SEMA5A: variants seen among roughly 807,000 people sequenced by gnomAD.
SEMA5A encodes the protein semaphorin-5A.
A neutral mutation model predicts 135.5 loss-of-function variants in SEMA5A; 55 were observed. The observed-to-expected ratio is 0.41, with a 90% confidence interval of 0.33 to 0.51. The LOEUF is 0.51. SEMA5A is among the 20% of genes least tolerant of loss of function. The pLI is 0.37. For synonymous variants in SEMA5A, 580 were observed against 546.5 expected (o/e 1.06, Z -0.85); for missense variants, 1,290 against 1,419.9 (o/e 0.91, Z 1.47).
At chr5:9,167,095 A>T (rs923781447) in intron 11 of SEMA5A, among the ~76,000 whole-genome samples, 1 of 152,172 alleles carries the variant, frequency 6.6e-6, no homozygotes, top group African/African-American at 2.4e-5. Context: ...TTAATTCTAA[A>T]GGAAAAAAAG....
At chr5:9,511,702 C>CA (rs1046371075) in intron 1 of SEMA5A, among the ~76,000 whole-genome samples, 213 of 150,880 alleles carry the variant, frequency 1.4e-3, no homozygotes, top group African/African-American at 4.5e-3. Context: ...GATCTCACCA[C>CA]AAAAAAAAGA....
At chr5:9,237,102 T>C (rs370545200) in intron 6 of SEMA5A, among the ~76,000 whole-genome samples, 4 of 152,132 alleles carry the variant, frequency 2.6e-5, no homozygotes, top group South Asian at 2.1e-4. Context: ...TAATTCACCA[T>C]TGGAAGTCTG....
At chr5:9,214,171 A>T (rs1746489967) in intron 8 of SEMA5A, among the ~76,000 whole-genome samples, 1 of 152,236 alleles carries the variant, frequency 6.6e-6, no homozygotes, top group Admixed American at 6.5e-5. Flanking sequence ...CCGAAACTGC[A>T]CATTGCTCCT....
chr5:9,270,066 G>GC (rs1749891692), intron 5 of SEMA5A, among the ~76,000 whole-genome samples: 1 of 152,086 alleles, frequency 6.6e-6, no homozygotes, highest in African/African-American at 2.4e-5. Context: ...GGTGGTTTAC[G>GC]CAAGCATCTG....
intron 7 of SEMA5A, 133 bp downstream of exon 7, chr5:9,226,736 A>G (rs1747330986): frequency 7.4e-6 from 4 of 541,346 alleles, no homozygotes; most frequent in Non-Finnish European, 9.9e-6. Context: ...TATTTATTCA[A>G]TTTGACAAAA....
intron 16 of SEMA5A, among the ~76,000 whole-genome samples, chr5:9,089,276 A>G (rs1317863430): frequency 1.3e-5 from 2 of 152,242 alleles, no homozygotes; most frequent in Non-Finnish European, 2.9e-5. Context: ...CATCCCTTGG[A>G]TAATGTTTCA....
intron 4 of SEMA5A, among the ~76,000 whole-genome samples, chr5:9,326,322 G>A (rs531895656): frequency 6.6e-6 from 1 of 152,214 alleles, no homozygotes; most frequent in African/African-American, 2.4e-5. Context: ...CAGCATCTCG[G>A]CTCACTGCAA....
Position 9,154,628 on chromosome 5 carries a change from C to G in SEMA5A, c.1341G>C (p.Glu447Asp). 6.2e-7 allele frequency: 1 copy of G among 1,614,156 alleles called. No homozygotes were observed. Among genetic ancestry groups the G allele is most frequent in the Non-Finnish European group, 8.5e-7 (1 of 1,180,034 alleles). Residue 447 changes from glutamate to aspartate, a missense_variant, in exon 12 of 23, where the codon GAG becomes GAC. This residue lies in a region of SEMA5A where 1,029 missense variants were observed against 1,086.6 expected (regional missense o/e 0.95). Transcript: ENST00000382496. ...NQTSSSCLLE[E>D]IELFPERRRE... is the part of the protein sequence containing the mutation. Reference sequence around the variant, plus strand: ...TCCGCCTCTCAGGGAAGAGCTCAATCTCTTCCAGCAAACAGCTGCTTGAGG... The same window carrying G: ...TCCGCCTCTCAGGGAAGAGCTCAATGTCTTCCAGCAAACAGCTGCTTGAGG...
At chr5:9,510,392 T>C (rs1408489530) in intron 1 of SEMA5A, among the ~76,000 whole-genome samples, 1 of 152,228 alleles carries the variant, frequency 6.6e-6, no homozygotes, top group African/African-American at 2.4e-5. Context: ...AAATGGCAAC[T>C]TCATGTAATT....
chr5:9,384,661 T>TAGATAGATAGATAGATAG (rs1214516553), intron 2 of SEMA5A, among the ~76,000 whole-genome samples: 4 of 66,480 alleles, frequency 6.0e-5, no homozygotes, highest in East Asian at 4.0e-4. Flanking sequence ...GATAGATAGA[T>TAGATAGATAGATAGATAG]ATAGATAGAT....
chr5:9,276,411 T>C (rs1488493758), intron 5 of SEMA5A, among the ~76,000 whole-genome samples: 1 of 152,200 alleles, frequency 6.6e-6, no homozygotes, highest in Non-Finnish European at 1.5e-5. Context: ...TTTAAAGCTA[T>C]TCCCATCAAG....
intron 12 of SEMA5A, among the ~76,000 whole-genome samples, chr5:9,153,452 G>A (rs904751170): frequency 2.0e-5 from 3 of 152,124 alleles, no homozygotes; most frequent in African/African-American, 7.2e-5. Context: ...GTGGTTGATC[G>A]TGGATGTCCC....
At chr5:9,338,726 A>C (rs1345121992) in intron 3 of SEMA5A, among the ~76,000 whole-genome samples, 2 of 152,186 alleles carry the variant, frequency 1.3e-5, no homozygotes, top group Non-Finnish European at 2.9e-5. Flanking sequence ...TGTCAAATCA[A>C]TGAAGATGTT....
intron 3 of SEMA5A, among the ~76,000 whole-genome samples, chr5:9,354,432 C>T (rs2126324798): frequency 6.6e-6 from 1 of 152,318 alleles, no homozygotes; most frequent in South Asian, 2.1e-4. Context: ...TGCCAAACAG[C>T]TTCAGAGACC....
At chr5:9,315,165 C>T (rs1752336382) in intron 5 of SEMA5A, among the ~76,000 whole-genome samples, 2 of 152,136 alleles carry the variant, frequency 1.3e-5, no homozygotes, top group Non-Finnish European at 2.9e-5. Flanking sequence ...AAAAATATCA[C>T]AATAGACTCT....
intron 12 of SEMA5A, among the ~76,000 whole-genome samples, chr5:9,140,504 C>T (rs1742006350): frequency 6.6e-6 from 1 of 152,220 alleles, no homozygotes; most frequent in African/African-American, 2.4e-5. Flanking sequence ...AAGTGCAACT[C>T]ATGAGACAGA....
At chr5:9,329,788 C>T (rs747559298) in intron 4 of SEMA5A, among the ~76,000 whole-genome samples, 62 of 152,244 alleles carry the variant, frequency 4.1e-4, no homozygotes, top group Non-Finnish European at 7.2e-4. Flanking sequence ...AGCATTGGCT[C>T]CAAGACCACC....
At chr5:9,135,428 G>A (rs61181903) in intron 13 of SEMA5A, among the ~76,000 whole-genome samples, 11,358 of 151,752 alleles carry the variant, frequency 0.075, 467 homozygotes, top group South Asian at 0.15. Flanking sequence ...TGATCCACCT[G>A]CCTCGGCCTC....
chr5:9,266,271 C>T (rs1269636909), intron 5 of SEMA5A, among the ~76,000 whole-genome samples: 1 of 152,150 alleles, frequency 6.6e-6, no homozygotes, highest in Non-Finnish European at 1.5e-5. Flanking sequence ...ATCCAGGGCA[C>T]ATTTTAAAGC....
Sources: gnomAD v4.1 joint callset for allele counts (sites outside exome capture counted in the v4.1 genomes callset) on GRCh38, gnomAD v4.1.1 for gene constraint, gnomAD v4.1.1 regional missense constraint, MANE v1.5 for transcripts, NCBI Gene and HGNC (gene_info 2026-07-23, HGNC 2026-07-21) for gene names.